CNTNAP5: variants seen among roughly 807,000 people sequenced by gnomAD.
CNTNAP5 encodes contactin-associated protein-like 5.
CNTNAP5 carries 72 observed loss-of-function variants against 150.2 expected under a neutral mutation model. The ratio of observed to expected loss-of-function variants is 0.48; its 90% confidence interval spans 0.40 to 0.58. The LOEUF (loss-of-function observed/expected upper bound fraction) is 0.58. Ranked by LOEUF, CNTNAP5 falls within the 20% of genes least tolerant of loss-of-function variation. The pLI, the probability that CNTNAP5 is intolerant of heterozygous loss-of-function variation, is 0.00. For synonymous variants in CNTNAP5, 672 were observed against 619.8 expected (o/e 1.08, Z -1.25); for missense variants, 1,636 against 1,626.2 (o/e 1.01, Z -0.10).
chr2:124,492,332 A>C (rs1694050715), intron 7 of CNTNAP5, among the ~76,000 whole-genome samples: 1 of 152,126 alleles, frequency 6.6e-6, no homozygotes, highest in Admixed American at 6.6e-5. Flanking sequence ...CTTTTGCAGG[A>C]GGATATCCAC....
chr2:124,690,018 C>G (rs922528783), intron 13 of CNTNAP5, among the ~76,000 whole-genome samples: 1 of 142,702 alleles, frequency 7.0e-6, no homozygotes, highest in African/African-American at 2.5e-5. Context: ...TCTTCACTTA[C>G]GGGAAATTTT....
chr2:124,881,526 C>T (rs1047735892), intron 21 of CNTNAP5, among the ~76,000 whole-genome samples: 2 of 152,098 alleles, frequency 1.3e-5, no homozygotes, highest in African/African-American at 4.8e-5. Flanking sequence ...ATACCTTACC[C>T]TCTTCCTTTG....
At chr2:124,727,342 A>G (rs1375516585) in intron 13 of CNTNAP5, among the ~76,000 whole-genome samples, 1 of 151,776 alleles carries the variant, frequency 6.6e-6, no homozygotes, top group African/African-American at 2.4e-5. Context: ...TTGTAGAATC[A>G]TTTTTTCCTT....
chr2:124,230,642 C>T (rs1341617768), intron 2 of CNTNAP5, among the ~76,000 whole-genome samples: 2 of 151,930 alleles, frequency 1.3e-5, no homozygotes, highest in African/African-American at 4.8e-5. Context: ...AGCAATTCTC[C>T]TGTCTCAGCC....
At chr2:124,561,318 C>A (rs1695886820) in intron 10 of CNTNAP5, among the ~76,000 whole-genome samples, 1 of 152,084 alleles carries the variant, frequency 6.6e-6, no homozygotes, top group Non-Finnish European at 1.5e-5. Flanking sequence ...CCAGGATCTC[C>A]TGAGGACATG....
intron 3 of CNTNAP5, among the ~76,000 whole-genome samples, chr2:124,341,942 T>C (rs1474521214): frequency 6.6e-6 from 1 of 152,004 alleles, no homozygotes; most frequent in Non-Finnish European, 1.5e-5. Context: ...AGTCAGAAAA[T>C]TGGGAGAAAA....
intron 3 of CNTNAP5, among the ~76,000 whole-genome samples, chr2:124,266,988 A>C (rs1028914214): frequency 6.6e-6 from 1 of 150,790 alleles, no homozygotes; most frequent in Non-Finnish European, 1.5e-5. Context: ...TTTTTTTACA[A>C]TGCTGGGAAG....
At chr2:124,061,179 C>T (rs1282079417) in intron 1 of CNTNAP5, among the ~76,000 whole-genome samples, 1 of 152,168 alleles carries the variant, frequency 6.6e-6, no homozygotes, top group Non-Finnish European at 1.5e-5. Context: ...TTAAACAAAG[C>T]CTCGGTATTT....
At chr2:124,077,501 G>C (rs1394269639) in intron 1 of CNTNAP5, among the ~76,000 whole-genome samples, 1 of 152,150 alleles carries the variant, frequency 6.6e-6, no homozygotes, top group Non-Finnish European at 1.5e-5. Context: ...CCCCATAGCA[G>C]TGTCTGATGA....
intron 3 of CNTNAP5, among the ~76,000 whole-genome samples, chr2:124,271,091 C>A (rs367700598): frequency 2.0e-5 from 3 of 151,824 alleles, no homozygotes; most frequent in East Asian, 3.9e-4. Flanking sequence ...CTGTGCTATA[C>A]CTATATAATC....
At chr2:124,772,454 A>T (rs1681223122) in intron 16 of CNTNAP5, among the ~76,000 whole-genome samples, 1 of 151,986 alleles carries the variant, frequency 6.6e-6, no homozygotes, top group African/African-American at 2.4e-5. Context: ...TGCCTTGCTA[A>T]CCTCATGTCT....
At chr2:124,148,691 C>T (rs1322585783) in intron 1 of CNTNAP5, among the ~76,000 whole-genome samples, 1 of 150,156 alleles carries the variant, frequency 6.7e-6, no homozygotes, top group African/African-American at 2.4e-5. Context: ...TATATATATG[C>T]ACTATTGCAT....
intron 3 of CNTNAP5, among the ~76,000 whole-genome samples, chr2:124,324,300 G>A (rs1689165904): frequency 6.6e-6 from 1 of 152,200 alleles, no homozygotes; most frequent in African/African-American, 2.4e-5. Context: ...AGACACAGAA[G>A]GAGTTCCCAG....
intron 13 of CNTNAP5, among the ~76,000 whole-genome samples, chr2:124,687,347 T>A (rs575961071): frequency 6.6e-6 from 1 of 152,132 alleles, no homozygotes; most frequent in South Asian, 2.1e-4. Context: ...ACCCAATTTA[T>A]CTAGATGACT....
intron 19 of CNTNAP5, among the ~76,000 whole-genome samples, chr2:124,845,101 A>G (rs926978860): frequency 4.6e-5 from 7 of 152,010 alleles, no homozygotes; most frequent in African/African-American, 1.7e-4. Flanking sequence ...TCATTATAAT[A>G]TTGGCTGTGG....
At chr2:124,752,049 C>T (rs1680738890) in intron 14 of CNTNAP5, among the ~76,000 whole-genome samples, 3 of 152,044 alleles carry the variant, frequency 2.0e-5, no homozygotes, top group Admixed American at 2.0e-4. Flanking sequence ...GTCAAAGGAG[C>T]TGCTAATGTT....
intron 3 of CNTNAP5, among the ~76,000 whole-genome samples, chr2:124,376,000 A>G (rs1473543356): frequency 6.6e-6 from 1 of 152,094 alleles, no homozygotes; most frequent in Non-Finnish European, 1.5e-5. Flanking sequence ...CTGCACTGGA[A>G]TCAGGTTTGG....
intron 1 of CNTNAP5, among the ~76,000 whole-genome samples, chr2:124,047,493 C>G (rs1278697179): frequency 6.6e-6 from 1 of 152,230 alleles, no homozygotes; most frequent in Non-Finnish European, 1.5e-5. Flanking sequence ...TTCACATGAC[C>G]TGCATATTGT....
At chr2:124,314,372 C>T (rs1006543978) in intron 3 of CNTNAP5, among the ~76,000 whole-genome samples, 1 of 152,132 alleles carries the variant, frequency 6.6e-6, no homozygotes, top group Non-Finnish European at 1.5e-5. Flanking sequence ...TGATTTGCAG[C>T]GACTCATTTG....
Sources: allele counts gnomAD v4.1 joint callset (sites outside exome capture counted in the v4.1 genomes callset), GRCh38; gene constraint gnomAD v4.1.1; transcripts MANE v1.5; gene names NCBI Gene and HGNC (gene_info 2026-07-23, HGNC 2026-07-21).